Variants in NHSL1 observed in about 807,000 individuals in gnomAD.
The protein encoded by NHSL1 is NHS like 1.
A neutral mutation model predicts 95.0 loss-of-function variants in NHSL1; 48 were observed. The observed-to-expected ratio is 0.51, with a 90% CI of 0.40 to 0.64. NHSL1 has a LOEUF of 0.64. NHSL1 is among the 30% of genes least tolerant of loss of function. The pLI, the probability that NHSL1 is intolerant of heterozygous loss-of-function variation, is 0.00. For missense variants in NHSL1, 1,971 were observed against 2,077.7 expected (o/e 0.95, Z 1.00); for synonymous variants, 783 against 833.9 (o/e 0.94, Z 1.05).
chr6:138,615,203 C>G (rs1322383015), intron 1 of NHSL1, among the ~76,000 whole-genome samples: 2 of 152,310 alleles, frequency 1.3e-5, no homozygotes, highest in East Asian at 3.9e-4. Flanking sequence ...GCCAGGAGAG[C>G]CTTCCAGCCC....
chr6:138,541,435 G>GA (rs1199758571), intron 1 of NHSL1, among the ~76,000 whole-genome samples: 1 of 152,158 alleles, frequency 6.6e-6, no homozygotes, highest in African/African-American at 2.4e-5. Context: ...CAACAGCAGA[G>GA]AGTCTGCTTT....
chr6:138,650,567 G>A (rs572332849), intron 1 of NHSL1: 196 of 593,296 alleles, frequency 3.3e-4, no homozygotes, highest in Non-Finnish European at 5.9e-4. Context: ...GGAGGTGAGG[G>A]ATTAATCCAA....
chr6:138,540,663 T>C (rs1015997276), intron 1 of NHSL1, among the ~76,000 whole-genome samples: 2 of 152,156 alleles, frequency 1.3e-5, no homozygotes, highest in Non-Finnish European at 2.9e-5. Context: ...GAACTGCCCT[T>C]GTGGGAGCAG....
intron 1 of NHSL1, among the ~76,000 whole-genome samples, chr6:138,640,786 C>A (rs1210853283): frequency 1.3e-5 from 2 of 152,052 alleles, no homozygotes; most frequent in East Asian, 3.9e-4. Context: ...AACCCCCCAC[C>A]CCCAGTTGTT....
intron 1 of NHSL1, among the ~76,000 whole-genome samples, chr6:138,582,368 G>T (rs1255698685): frequency 6.7e-6 from 1 of 149,784 alleles, no homozygotes; most frequent in Non-Finnish European, 1.5e-5. Context: ...ATTTTTAAAA[G>T]AACAGAAAAA....
At position 138,433,332 on chromosome 6, in the gene NHSL1, T is replaced by C. The variant is rs1371262259; in HGVS notation, c.1013A>G (p.Glu338Gly). ...SGARANIQSL[E>G]PRLGALGPAG... ...AGGGCCGAGGGCACCCAGCCTCGGC[T>C]CAAGGGACTGAATGTTTGCCCTTGC... The change falls in exon 6 of 8, where the codon GAG becomes GGG. Residue 338 changes from glutamate to glycine, a missense_variant. Physicochemically the swap from Glu to Gly is moderately conservative, Grantham distance 98. Coordinates refer to ENST00000343505, the MANE Select transcript of NHSL1 (RefSeq NM_001144060.2). The C allele has an allele frequency of 1.9e-6, 3 of 1,551,960 alleles. No homozygotes were observed. Among genetic ancestry groups the C allele is most frequent in the Non-Finnish European group, 2.6e-6 (3 of 1,146,998 alleles).
At chr6:138,546,195 T>TAGAC (rs1037029980), upstream of NHSL1, among the ~76,000 whole-genome samples, 23 of 152,118 alleles carry the variant, frequency 1.5e-4, no homozygotes, top group Admixed American at 2.6e-4. Context: ...TGCACTCTGT[T>TAGAC]GTCTGAGTCT....
intron 2 of NHSL1, among the ~76,000 whole-genome samples, chr6:138,478,012 C>CTTTTTTTTTTTTTTTTTTTTT (rs71009589): frequency 3.3e-5 from 1 of 30,016 alleles, no homozygotes; most frequent in Non-Finnish European, 5.8e-5. Flanking sequence ...ATTTATGTCA[C>CTTTTTTTTTTTTTTTTTTTTT]TTTTTTTTTT....
At chr6:138,559,639 G>A (rs1371147617) in intron 1 of NHSL1, among the ~76,000 whole-genome samples, 1 of 151,982 alleles carries the variant, frequency 6.6e-6, no homozygotes, top group Non-Finnish European at 1.5e-5. Context: ...TTCCATCATA[G>A]CTTGTAACTT....
intron 1 of NHSL1, among the ~76,000 whole-genome samples, chr6:138,588,939 A>C (rs1195597124): frequency 6.6e-6 from 1 of 152,208 alleles, no homozygotes; most frequent in African/African-American, 2.4e-5. Context: ...CCCGCCTTCC[A>C]TATGGAGCCA....
chr6:138,560,452 A>G (rs1197777095), intron 1 of NHSL1, among the ~76,000 whole-genome samples: 1 of 152,240 alleles, frequency 6.6e-6, no homozygotes, highest in Non-Finnish European at 1.5e-5. Context: ...ACGTAAGGAC[A>G]AAGAGTTGGA....
At chr6:138,489,482 G>C (rs916687399) in intron 2 of NHSL1, among the ~76,000 whole-genome samples, 1 of 152,104 alleles carries the variant, frequency 6.6e-6, no homozygotes, top group African/African-American at 2.4e-5. Context: ...AAAACAGGAA[G>C]ATGGCTGGGT....
At chr6:138,504,376 T>C (rs537526229), upstream of NHSL1, among the ~76,000 whole-genome samples, 8 of 152,282 alleles carry the variant, frequency 5.3e-5, no homozygotes, top group East Asian at 1.5e-3. Flanking sequence ...CCCACACAGA[T>C]AAAAATGATG....
chr6:138,510,567 G>C (rs546844193), intron 1 of NHSL1, among the ~76,000 whole-genome samples: 1 of 152,256 alleles, frequency 6.6e-6, no homozygotes, highest in South Asian at 2.1e-4. Context: ...TGCTACAAGG[G>C]TTTTAGAATT....
At chr6:138,570,942 ACAC>A (rs1783817964) in intron 1 of NHSL1, among the ~76,000 whole-genome samples, 3 of 152,268 alleles carry the variant, frequency 2.0e-5, no homozygotes, top group African/African-American at 7.2e-5. Context: ...TTCAGTCCCT[ACAC>A]ACACTAAGAG....
intron 1 of NHSL1, among the ~76,000 whole-genome samples, chr6:138,637,707 T>C (rs1320369005): frequency 6.6e-6 from 1 of 152,166 alleles, no homozygotes; most frequent in Non-Finnish European, 1.5e-5. Context: ...AGATGGCTTA[T>C]TTCCAAAAGA....
intron 1 of NHSL1, among the ~76,000 whole-genome samples, chr6:138,559,324 TGCATCAGCAG>T (rs1423677634): frequency 6.6e-6 from 1 of 152,228 alleles, no homozygotes; most frequent in Non-Finnish European, 1.5e-5. Flanking sequence ...TCAGCCTGAG[TGCATCAGCAG>T]GCTCTTCCAC....
intron 1 of NHSL1, among the ~76,000 whole-genome samples, chr6:138,614,614 A>G (rs1377360656): frequency 1.3e-5 from 2 of 152,176 alleles, no homozygotes; most frequent in East Asian, 3.9e-4. Context: ...GGAAACTGAG[A>G]CACAGTGAAT....
chr6:138,634,500 A>G (rs1390473883), intron 1 of NHSL1, among the ~76,000 whole-genome samples: 1 of 152,206 alleles, frequency 6.6e-6, no homozygotes, highest in Non-Finnish European at 1.5e-5. Flanking sequence ...CAATTCAGCA[A>G]GAGGATATAA....
Sources: allele counts gnomAD v4.1 joint callset (sites outside exome capture counted in the v4.1 genomes callset), GRCh38; gene constraint gnomAD v4.1.1; transcripts MANE v1.5; gene names NCBI Gene and HGNC (gene_info 2026-07-23, HGNC 2026-07-21).